The following IRAK1BP1 variants were observed in gnomAD, a reference collection of about 807,000 sequenced individuals.
IRAK1BP1 encodes interleukin-1 receptor-associated kinase 1-binding protein 1.
A neutral mutation model predicts 28.0 loss-of-function variants in IRAK1BP1; 24 were observed. The observed-to-expected ratio is 0.86, with a 90% CI of 0.62 to 1.20. IRAK1BP1 has a LOEUF of 1.20. Among genes scored for constraint, IRAK1BP1 ranks in the 50% most tolerant of loss-of-function variants. The pLI is 0.00. For missense variants in IRAK1BP1, 336 were observed against 316.7 expected (o/e 1.06, Z -0.46); for synonymous variants, 131 against 116.3 (o/e 1.13, Z -0.81).
chr6:78,875,303 A>G (rs1213542085), intron 1 of IRAK1BP1, among the ~76,000 whole-genome samples: 1 of 152,236 alleles, frequency 6.6e-6, no homozygotes, highest in Non-Finnish European at 1.5e-5. Context: ...TAGTTCTGCC[A>G]CTGTGAACAG....
At chr6:78,881,587 A>G (rs981986560) in intron 1 of IRAK1BP1, among the ~76,000 whole-genome samples, 4 of 152,172 alleles carry the variant, frequency 2.6e-5, no homozygotes, top group Non-Finnish European at 5.9e-5. Context: ...TTCTCTTGAC[A>G]AATGAACCCA....
intron 1 of IRAK1BP1, among the ~76,000 whole-genome samples, chr6:78,880,456 T>C (rs1350721015): frequency 1.3e-5 from 2 of 152,196 alleles, no homozygotes; most frequent in African/African-American, 2.4e-5. Flanking sequence ...AACAAAAAGA[T>C]AAATTGTATT....
intron 4 of IRAK1BP1, among the ~76,000 whole-genome samples, chr6:78,909,681 TCCAGATG>T (rs1487325220): frequency 1.3e-5 from 2 of 152,260 alleles, no homozygotes; most frequent in East Asian, 3.9e-4. Flanking sequence ...TAAGATGAAG[TCCAGATG>T]CCAAGGGAAC....
At chr6:78,903,732 T>C (rs1346376705), downstream of IRAK1BP1, among the ~76,000 whole-genome samples, 1 of 151,946 alleles carries the variant, frequency 6.6e-6, no homozygotes, top group Non-Finnish European at 1.5e-5. Context: ...TGACAGTACG[T>C]GTGGGACTGT....
At chr6:78,945,813 T>C (rs1328135224) in exon 5 of IRAK1BP1, 3 of 614,204 alleles carry the variant, frequency 4.9e-6, no homozygotes, top group Non-Finnish European at 8.6e-6. Flanking sequence ...CATTAGTCTA[T>C]AATGACCTAA....
intron 2 of IRAK1BP1, among the ~76,000 whole-genome samples, chr6:78,895,105 T>A (rs1771831690): frequency 6.9e-6 from 1 of 145,222 alleles, no homozygotes; most frequent in African/African-American, 2.6e-5. Flanking sequence ...TGAGCAAGAC[T>A]CCATCTCAAA....
At chr6:78,869,826 G>C (rs1237766881) in intron 1 of IRAK1BP1, among the ~76,000 whole-genome samples, 1 of 151,964 alleles carries the variant, frequency 6.6e-6, no homozygotes, top group Non-Finnish European at 1.5e-5. Context: ...GATGGAGCCT[G>C]AGCCGGGCGT....
At chr6:78,959,875 G>T in the IRAK1BP1 span, among the ~76,000 whole-genome samples, 5 of 152,206 alleles carry the variant, frequency 3.3e-5, no homozygotes, top group East Asian at 9.6e-4. Context: ...AAAAATGCAT[G>T]CGATATACTT....
chr6:78,976,455 A>G, the IRAK1BP1 span, among the ~76,000 whole-genome samples: 59,199 of 68,430 alleles, frequency 0.87, 25,937 homozygotes, highest in East Asian at 0.98. Flanking sequence ...CATTCAGGAC[A>G]TAGGCATGGG....
exon 5 of IRAK1BP1, chr6:78,946,053 A>G (rs1273511511): frequency 1.2e-6 from 2 of 1,612,718 alleles, no homozygotes; most frequent in South Asian, 1.1e-5. Flanking sequence ...AAGTCTTTGC[A>G]GCTGAAGAAG....
intron 2 of IRAK1BP1, among the ~76,000 whole-genome samples, chr6:78,888,150 C>G (rs1771497152): frequency 6.6e-6 from 1 of 151,992 alleles, no homozygotes; most frequent in South Asian, 2.1e-4. Context: ...CTAAAATAAT[C>G]ATATCATAGA....
At position 78,934,330 on chromosome 6, in the gene IRAK1BP1, C is replaced by T. The variant is rs1406233578; in HGVS notation, c.*68-11078C>T. ...CAAAATGTGACACATGAAGTTATCACCTGCTGTTGGAAAAATGGTACTGAC... is the reference window on the plus strand; with the variant it reads ...CAAAATGTGACACATGAAGTTATCATCTGCTGTTGGAAAAATGGTACTGAC... On this transcript the variant is annotated intron_variant and NMD_transcript_variant, in intron 4 of 4. Transcript: ENST00000606868. Among the ~76,000 whole-genome samples, 3 of 152,202 alleles carry T rather than the reference C, an allele frequency of 2.0e-5. No homozygotes were observed. In the East Asian group the frequency reaches 5.8e-4, roughly 29 times the overall value.
chr6:78,896,306 C>A (rs1324245956), intron 2 of IRAK1BP1, among the ~76,000 whole-genome samples: 2 of 149,840 alleles, frequency 1.3e-5, no homozygotes, highest in Non-Finnish European at 3.0e-5. Context: ...TTTATAATAG[C>A]CCCAAACTGG....
At chr6:78,962,186 T>C in the IRAK1BP1 span, among the ~76,000 whole-genome samples, 3 of 152,138 alleles carry the variant, frequency 2.0e-5, no homozygotes, top group Non-Finnish European at 4.4e-5. Flanking sequence ...AATCTAACCT[T>C]TGACTTTCTC....
chr6:78,953,829 G>A, the IRAK1BP1 span, among the ~76,000 whole-genome samples: 3 of 151,988 alleles, frequency 2.0e-5, no homozygotes, highest in East Asian at 1.9e-4. Flanking sequence ...CAGGTGATCC[G>A]CCTGCCTTGG....
downstream of IRAK1BP1, chr6:78,947,535 C>A (rs966988872): frequency 1.9e-5 from 12 of 637,022 alleles, no homozygotes; most frequent in Non-Finnish European, 2.9e-5. Flanking sequence ...TTAACTTTGA[C>A]CTAAATTTTA....
the IRAK1BP1 span, chr6:78,957,238 T>C: frequency 6.6e-6 from 1 of 152,022 alleles, no homozygotes; most frequent in Non-Finnish European, 1.5e-5. Context: ...ATGAATATAC[T>C]ATCTCATGTA....
intron 2 of IRAK1BP1, among the ~76,000 whole-genome samples, chr6:78,894,668 A>G (rs2127652550): frequency 6.6e-6 from 1 of 152,278 alleles, no homozygotes; most frequent in East Asian, 1.9e-4. Flanking sequence ...ATAGACAGAA[A>G]ATCAGTAAGA....
chr6:78,876,750 C>G (rs1345363898), intron 1 of IRAK1BP1, among the ~76,000 whole-genome samples: 1 of 152,162 alleles, frequency 6.6e-6, no homozygotes, highest in East Asian at 1.9e-4. Flanking sequence ...TTGAGGTTCA[C>G]AGGGACACTT....
Sources: gnomAD v4.1 joint callset for allele counts (sites outside exome capture counted in the v4.1 genomes callset) on GRCh38, gnomAD v4.1.1 for gene constraint, MANE v1.5 for transcripts, NCBI Gene and HGNC (gene_info 2026-07-23, HGNC 2026-07-21) for gene names.